ITGB5: variants seen among roughly 807,000 people sequenced by gnomAD.
ITGB5 encodes the protein integrin beta-5.
Under a neutral mutation model 84.8 loss-of-function variants are expected in ITGB5, and 38 were observed. The observed-to-expected ratio is 0.45, with a 90% CI of 0.35 to 0.59. The LOEUF (loss-of-function observed/expected upper bound fraction) is 0.59. Ranked by LOEUF, ITGB5 falls within the 20% of genes least tolerant of loss-of-function variation. The pLI, the probability that ITGB5 is intolerant of heterozygous loss-of-function variation, is 0.01. For missense variants in ITGB5, 905 were observed against 1,034.5 expected (o/e 0.87, Z 1.72); for synonymous variants, 393 against 414.4 (o/e 0.95, Z 0.63).
At chr3:124,850,075 G>C (rs114966367) in intron 3 of ITGB5, among the ~76,000 whole-genome samples, 3,340 of 152,168 alleles carry the variant, frequency 0.022, 142 homozygotes, top group African/African-American at 0.076. Context: ...CCACATCTCA[G>C]AGCAACCAGT....
chr3:124,841,787 G>T (rs1434560002), intron 4 of ITGB5, among the ~76,000 whole-genome samples: 1 of 152,232 alleles, frequency 6.6e-6, no homozygotes, highest in Non-Finnish European at 1.5e-5. Context: ...TAAATGAATG[G>T]TATGGACAAA....
At chr3:124,820,477 C>T (rs544684728) in intron 6 of ITGB5, among the ~76,000 whole-genome samples, 8 of 152,110 alleles carry the variant, frequency 5.3e-5, no homozygotes, top group Non-Finnish European at 1.2e-4. Flanking sequence ...TACAGGGGCC[C>T]GCATCTGGTG....
At chr3:124,765,106 GGCCTC>G (rs1559918829) in intron 13 of ITGB5, among the ~76,000 whole-genome samples, 1 of 152,162 alleles carries the variant, frequency 6.6e-6, no homozygotes, top group Non-Finnish European at 1.5e-5. Context: ...CTCTGCCTCT[GGCCTC>G]AGGAAGGCAC....
At chr3:124,810,858 T>C (rs913171507) in intron 8 of ITGB5, among the ~76,000 whole-genome samples, 23 of 148,640 alleles carry the variant, frequency 1.5e-4, no homozygotes, top group African/African-American at 6.0e-4. Flanking sequence ...CTCTAGGGAG[T>C]GTGGCTGTTG....
At chr3:124,869,633 C>G (rs1476420114) in intron 2 of ITGB5, among the ~76,000 whole-genome samples, 1 of 152,132 alleles carries the variant, frequency 6.6e-6, no homozygotes, top group African/African-American at 2.4e-5. Context: ...CTCTCTAAAA[C>G]ACACCCATGT....
At chr3:124,816,098 G>A (rs531823485) in intron 8 of ITGB5, among the ~76,000 whole-genome samples, 1 of 152,254 alleles carries the variant, frequency 6.6e-6, no homozygotes, top group African/African-American at 2.4e-5. Context: ...GCTACAACAG[G>A]AGATGGGAGC....
chr3:124,875,099 C>A (rs866844401), intron 1 of ITGB5, among the ~76,000 whole-genome samples: 7 of 152,258 alleles, frequency 4.6e-5, no homozygotes, highest in Middle Eastern at 6.8e-3. Context: ...TATTTGCAAA[C>A]CACACATCTG....
intron 5 of ITGB5, among the ~76,000 whole-genome samples, chr3:124,840,045 G>A (rs914458376): frequency 6.6e-6 from 1 of 152,188 alleles, no homozygotes; most frequent in Non-Finnish European, 1.5e-5. Flanking sequence ...TGCCATTTTG[G>A]TTTTTTATTT....
chr3:124,875,718 C>T lies in ITGB5; in HGVS notation c.71-2187G>A, dbSNP rs1282453599. Among the ~76,000 whole-genome samples, 7 of 152,202 alleles carry T rather than the reference C, an allele frequency of 4.6e-5. No homozygotes were observed. In the South Asian group the frequency reaches 1.5e-3, roughly 32 times the overall value. On this transcript the variant is annotated intron_variant, in intron 1 of 14. Transcript: ENST00000296181. The stretch of plus-strand genomic sequence containing the variant: ...ACCTGCACTCTCATGTTCCTTGCAG[C>T]ACTATTCATAACAGCCAAGATATGC...
chr3:124,765,917 G>A (rs374902340), intron 13 of ITGB5, among the ~76,000 whole-genome samples: 30 of 152,154 alleles, frequency 2.0e-4, no homozygotes, highest in African/African-American at 7.0e-4. Context: ...AAATTAGCCC[G>A]GTGTGGTGGT....
upstream of ITGB5, among the ~76,000 whole-genome samples, chr3:124,889,984 T>C (rs1934961502): frequency 6.6e-6 from 1 of 151,770 alleles, no homozygotes; most frequent in South Asian, 2.1e-4. Context: ...TGCACTCCAC[T>C]CCAGCCTGGG....
At chr3:124,808,254 G>A (rs374306350) in intron 9 of ITGB5, among the ~76,000 whole-genome samples, 6 of 152,320 alleles carry the variant, frequency 3.9e-5, no homozygotes, top group African/African-American at 1.4e-4. Context: ...TCTTTTAAGT[G>A]TAGAAGAGAA....
intron 10 of ITGB5, among the ~76,000 whole-genome samples, chr3:124,796,066 C>G (rs936166559): frequency 2.0e-5 from 3 of 152,226 alleles, no homozygotes; most frequent in Non-Finnish European, 4.4e-5. Flanking sequence ...AGGAGGCAAT[C>G]AAGAAGAGGC....
chr3:124,796,916 C>G (rs1385673698), intron 9 of ITGB5, 99 bp from the exon 10 acceptor site: 1 of 1,176,186 alleles, frequency 8.5e-7, no homozygotes, highest in African/African-American at 1.5e-5. Context: ...CTGCGAACTC[C>G]AGCCCTCTCC....
intron 5 of ITGB5, among the ~76,000 whole-genome samples, chr3:124,822,291 C>T (rs760358280): frequency 1.3e-5 from 2 of 152,186 alleles, no homozygotes; most frequent in East Asian, 1.9e-4. Flanking sequence ...GGGATATGGT[C>T]GCCTTCATAG....
chr3:124,850,675 CTAAAAT>C (rs2065139835), intron 3 of ITGB5, among the ~76,000 whole-genome samples: 1 of 149,792 alleles, frequency 6.7e-6, no homozygotes. Context: ...CCCATGTACC[CTAAAAT>C]TAAAGTATAA....
chr3:124,852,385 A>G (rs912720487), intron 3 of ITGB5, among the ~76,000 whole-genome samples: 3 of 151,930 alleles, frequency 2.0e-5, no homozygotes, highest in African/African-American at 2.4e-5. Context: ...TCAAAACAGA[A>G]GCTGATCACC....
chr3:124,890,861 T>G (rs898395132), upstream of ITGB5, among the ~76,000 whole-genome samples: 1 of 152,188 alleles, frequency 6.6e-6, no homozygotes, highest in African/African-American at 2.4e-5. Context: ...TTTTTTCTTG[T>G]CCCTTCTTCT....
At chr3:124,775,217 AGTGT>A (rs748075474) in intron 10 of ITGB5, among the ~76,000 whole-genome samples, 1 of 151,886 alleles carries the variant, frequency 6.6e-6, no homozygotes, top group Non-Finnish European at 1.5e-5. Flanking sequence ...TGAGAAAGCG[AGTGT>A]GAGTGTGTAT....
Sources: allele counts gnomAD v4.1 joint callset (sites outside exome capture counted in the v4.1 genomes callset), GRCh38; gene constraint gnomAD v4.1.1; transcripts MANE v1.5; gene names NCBI Gene and HGNC (gene_info 2026-07-23, HGNC 2026-07-21).